The following FICD variants were observed in gnomAD, a reference collection of about 807,000 sequenced individuals.
FICD encodes protein adenylyltransferase FICD.
Under a neutral mutation model 28.0 loss-of-function variants are expected in FICD, and 13 were observed. The ratio of observed to expected loss-of-function variants is 0.46; its 90% CI spans 0.30 to 0.74. FICD has a LOEUF of 0.74. FICD is among the 30% of genes least tolerant of loss of function. The pLI is 0.07. For missense variants in FICD, 576 were observed against 624.5 expected, an observed-to-expected ratio of 0.92 and a Z score of 0.83; for synonymous variants, 268 against 266.4, an observed-to-expected ratio of 1.01 and a Z score of -0.06.
At position 108,518,693 on chromosome 12, in the gene FICD, G is replaced by A. The variant is rs750615173; in HGVS notation, c.595G>A (p.Asp199Asn). Residue 199 changes from aspartate to asparagine, a missense_variant, in exon 3 of 3, where the codon GAC (aspartate) becomes AAC (asparagine). Transcript: ENST00000552695. This position sits in a 1 kb window ranked among gnomAD's most constrained non-coding sequence, Gnocchi z 4.4. ...CGACCAGAGGTATTTCAGCATCATCGACAGCAAAGTGAAGAAGGTCATGTC... is the reference window on the plus strand; with the variant it reads ...CGACCAGAGGTATTTCAGCATCATCAACAGCAAAGTGAAGAAGGTCATGTC... ...EIDQRYFSII[D>N]SKVKKVMSIP... The A allele has an allele frequency of 1.2e-5, 19 of 1,614,034 alleles. No homozygotes were observed. The highest frequency in any genetic ancestry group is 5.5e-5 in the South Asian group (5 of 91,074).
chr12:108,519,058 C>T lies in FICD; in HGVS notation c.960C>T (p.Ile320=). ...CACAGGTCCTGGTCGGACACCACATCCCTCCCCATCCGCAGGATGTGGAAA... is the reference window on the plus strand; with the variant it reads ...CACAGGTCCTGGTCGGACACCACATTCCTCCCCATCCGCAGGATGTGGAAA... ...RTTQVLVGHH[I]PPHPQDVEKQ... Residue 320 remains isoleucine (I), a synonymous_variant, in exon 3 of 3, where the codon ATC becomes ATT. Transcript: ENST00000552695. This position sits in a 1 kb window ranked among gnomAD's most constrained non-coding sequence, Gnocchi z 4.5. The T allele has an allele frequency of 6.2e-7, 1 of 1,614,226 alleles. No homozygotes were observed. Among genetic ancestry groups the T allele is most frequent in the Non-Finnish European group, 8.5e-7 (1 of 1,180,032 alleles).
Position 108,516,895 on chromosome 12 carries a change from C to A in FICD, c.-58-20C>A. 1 of 1,255,794 alleles carries A rather than the reference C, an allele frequency of 8.0e-7. No homozygotes were observed. Among genetic ancestry groups the A allele is most frequent in the Non-Finnish European group, 1.1e-6 (1 of 923,122 alleles). The allele number at this position is 1,255,794 out of a possible 1,614,324, so 77.8% of individuals were successfully genotyped here. ...GTCCTGAACGTGTCTGTTTCTCCTG[C>A]GACTCTTGGCTCCTTGCAGATCCTG... On this transcript the variant is annotated intron_variant, in intron 1 of 2. Transcript: ENST00000552695.
rs139289717 is a variant in FICD at position 108,518,462 on chromosome 12, C to T, written c.364C>T (p.Arg122Trp). The T allele has an allele frequency of 2.8e-5, 46 of 1,614,118 alleles. No homozygotes were observed. The highest frequency in any genetic ancestry group is 1.6e-4 in the Middle Eastern group (1 of 6,062). Residue 122 changes from arginine (R) to tryptophan (W), a missense_variant, in exon 3 of 3, where the codon CGG (arginine) becomes TGG (tryptophan). Physicochemically the swap from Arg to Trp is moderately radical, Grantham distance 101. Coordinates refer to ENST00000552695, the MANE Select transcript of FICD (RefSeq NM_007076.3). This position sits in a 1 kb window ranked among gnomAD's most constrained non-coding sequence, Gnocchi z 4.4. ...CCTGGAGATGAAGCGCCAGGGCAAG[C>T]GGGAAAAAGCCCAAAAGCTCTTCAT... ...QALEMKRQGKREKAQKLFMHA... is the reference protein window; with the variant it reads ...QALEMKRQGKWEKAQKLFMHA...
rs1242023224 is a variant in FICD at position 108,518,677 on chromosome 12, G to T, written c.579G>T (p.Arg193Ser). 6.2e-7 allele frequency: 1 copy of T among 1,614,204 alleles called. No individual in the cohort carries two copies. ...TLPLVEEIDQRYFSIIDSKVK... is the reference protein window; with the variant it reads ...TLPLVEEIDQSYFSIIDSKVK... Reference sequence around the variant, plus strand: ...CTCTTGTGGAAGAGATCGACCAGAGGTATTTCAGCATCATCGACAGCAAAG... The same window carrying T: ...CTCTTGTGGAAGAGATCGACCAGAGTTATTTCAGCATCATCGACAGCAAAG... Residue 193 changes from arginine to serine, a missense_variant, in exon 3 of 3, where the codon AGG (arginine) becomes AGT (serine). Transcript: ENST00000552695. This position sits in a 1 kb window ranked among gnomAD's most constrained non-coding sequence, Gnocchi z 4.4.
Position 108,519,591 on chromosome 12 carries a change from A to C in FICD, c.*116A>C, listed in dbSNP as rs1242656040. 1 of 566,544 alleles carries C rather than the reference A, an allele frequency of 1.8e-6. No homozygotes were observed. Among genetic ancestry groups the C allele is most frequent in the Non-Finnish European group, 2.9e-6 (1 of 347,360 alleles). 35.1% of individuals were successfully genotyped at this position (566,544 alleles called of 1,614,324 possible). ...AAAGGAGAAACATTCTTTACCTCCA[A>C]ATGTTTTAGTTTTAAAAAAAAAAAA... On this transcript the variant is annotated 3_prime_UTR_variant, in exon 3 of 3. Coordinates refer to ENST00000552695, the MANE Select transcript of FICD (RefSeq NM_007076.3). This position sits in a 1 kb window ranked among gnomAD's most constrained non-coding sequence, Gnocchi z 4.5.
At position 108,518,776 on chromosome 12, in the gene FICD, C is replaced by T; in HGVS notation, c.678C>T (p.His226=). The change falls in exon 3 of 3, where the codon CAC becomes CAT. Residue 226 remains histidine, a synonymous_variant. Coordinates refer to ENST00000552695, the MANE Select transcript of FICD (RefSeq NM_007076.3). This position sits in a 1 kb window ranked among gnomAD's most constrained non-coding sequence, Gnocchi z 4.4. ...TCATGGAGGAGACCTACTACCATCA[C>T]ATCTACCACACAGTGGCCATCGAGG... ...RRVMEETYYH[H]IYHTVAIEGN... is the part of the protein sequence containing the mutation. 2 of 1,614,214 alleles carry T rather than the reference C, an allele frequency of 1.2e-6. No individual in the cohort carries two copies. Among genetic ancestry groups the T allele is most frequent in the Non-Finnish European group, 1.7e-6 (2 of 1,180,034 alleles).
chr12:108,516,227 G>C (rs929427686), intron 1 of FICD, among the ~76,000 whole-genome samples: 3 of 152,166 alleles, frequency 2.0e-5, no homozygotes, highest in Non-Finnish European at 4.4e-5. Flanking sequence ...TCTTGATGGG[G>C]TCCCTTCTGG....
At position 108,521,051 on chromosome 12, in the gene FICD, T is replaced by A. The variant is rs1872100172; in HGVS notation, c.*1576T>A. The A allele has an allele frequency of 6.6e-6, 1 of 152,236 alleles. No homozygotes were observed. The highest frequency in any genetic ancestry group is 1.5e-5 in the Non-Finnish European group (1 of 68,056). 9.4% of individuals were successfully genotyped at this position (152,236 alleles called of 1,614,324 possible). ...GTACTCTTATGCTGCCAGAGGTACTTCTTAAAACTCTTCTCGTCTTGGTTT... is the reference window on the plus strand; with the variant it reads ...GTACTCTTATGCTGCCAGAGGTACTACTTAAAACTCTTCTCGTCTTGGTTT... On this transcript the variant is annotated 3_prime_UTR_variant, in exon 3 of 3. Transcript: ENST00000552695.
In FICD at chr12:108,518,403, G is replaced by C; in HGVS notation, c.305G>C (p.Gly102Ala). Residue 102 changes from glycine to alanine, a missense_variant, in exon 3 of 3, where the codon GGT (glycine) becomes GCT (alanine). Gly to Ala is a moderately conservative substitution (Grantham distance 60). Transcript: ENST00000552695. This position sits in a 1 kb window ranked among gnomAD's most constrained non-coding sequence, Gnocchi z 4.4. ...CGCTTCTTTGGCTCTCTTCCAGCGG[G>C]TAAGTTGGAAGCCAGAGCTGCCCTG... Reference protein sequence around the residue: ...LVAKTKASPAGKLEARAALNQ... With the variant: ...LVAKTKASPAAKLEARAALNQ... The C allele has an allele frequency of 1.2e-6, 2 of 1,613,512 alleles. No homozygotes were observed. The highest frequency in any genetic ancestry group is 1.7e-6 in the Non-Finnish European group (2 of 1,179,498).
Position 108,519,247 on chromosome 12 carries a change from G to A in FICD, c.1149G>A (p.Gln383=). ...SRLLMNLILM[Q]AGYPPITIRK... is the part of the protein sequence containing the mutation. ...TGCTCATGAACCTCATCCTCATGCA[G>A]GCGGGCTACCCGCCCATCACCATCC... Residue 383 remains glutamine (Q), a synonymous_variant, in exon 3 of 3, where the codon CAG becomes CAA. Transcript: ENST00000552695. The surrounding 1 kb of genome is among the most constrained non-coding windows in gnomAD (Gnocchi z 4.5). 6.2e-7 allele frequency: 1 copy of A among 1,614,250 alleles called. No homozygotes were observed. The highest frequency in any genetic ancestry group is 8.5e-7 in the Non-Finnish European group (1 of 1,180,040).
Position 108,520,755 on chromosome 12 carries a change from T to C in FICD, c.*1280T>C, listed in dbSNP as rs1321958509. On this transcript the variant is annotated 3_prime_UTR_variant, in exon 3 of 3. Coordinates refer to ENST00000552695, the MANE Select transcript of FICD (RefSeq NM_007076.3). The stretch of plus-strand genomic sequence containing the variant: ...AGAGAGGTGGAAGTCACTGGGTCCC[T>C]TTCCCAGTGACAGAGCCCATGATGT... 3 of 152,190 alleles carry C rather than the reference T, an allele frequency of 2.0e-5. No individual in the cohort carries two copies. Among genetic ancestry groups the C allele is most frequent in the Non-Finnish European group, 4.4e-5 (3 of 68,040 alleles). The allele number at this position is 152,190 out of a possible 1,614,324, so 9.4% of individuals were successfully genotyped here.
chr12:108,519,844 A>G lies in FICD; in HGVS notation c.*369A>G, dbSNP rs1247636386. ...GAGGTGTGGGACGGGGCCCAGAGCC[A>G]CTGACATAACTCCTCCAAGTGCTTC... On this transcript the variant is annotated 3_prime_UTR_variant, in exon 3 of 3. Transcript: ENST00000552695. This position sits in a 1 kb window ranked among gnomAD's most constrained non-coding sequence, Gnocchi z 4.5. The G allele has an allele frequency of 2.3e-5, 4 of 170,682 alleles. No homozygotes were observed. Among genetic ancestry groups the G allele is most frequent in the Admixed American group, 1.2e-4 (2 of 16,684 alleles). The allele number at this position is 170,682 out of a possible 1,614,324, so 10.6% of individuals were successfully genotyped here.
chr12:108,519,097 G>A lies in FICD; in HGVS notation c.999G>A (p.Glu333=). The A allele has an allele frequency of 6.2e-7, 1 of 1,614,230 alleles. No individual in the cohort carries two copies. Among genetic ancestry groups the A allele is most frequent in the Non-Finnish European group, 8.5e-7 (1 of 1,180,036 alleles). The stretch of plus-strand genomic sequence containing the variant: ...AGGATGTGGAAAAGCAGATGCAGGA[G>A]TTTGTACAGTGGCTCAACTCCGAGG... ...HPQDVEKQMQ[E]FVQWLNSEEA... is the part of the protein sequence containing the mutation. The change falls in exon 3 of 3, where the codon GAG becomes GAA. Residue 333 remains glutamate (E), a synonymous_variant. Coordinates refer to ENST00000552695, the MANE Select transcript of FICD (RefSeq NM_007076.3). The surrounding 1 kb of genome is among the most constrained non-coding windows in gnomAD (Gnocchi z 4.5).
In FICD at chr12:108,519,361, T is replaced by C. The variant is rs1872029830; in HGVS notation, c.1263T>C (p.Cys421=). 1.2e-6 allele frequency: 2 copies of C among 1,613,996 alleles called. No individual in the cohort carries two copies. The highest frequency in any genetic ancestry group is 1.7e-6 in the Non-Finnish European group (2 of 1,180,030). The part of the protein sequence containing the change: ...VRPFIRFIAK[C]TETTLDTLLF... ...CTTTCATTCGCTTCATCGCCAAGTGTACTGAGACCACCCTGGACACCCTGC... is the reference window on the plus strand; with the variant it reads ...CTTTCATTCGCTTCATCGCCAAGTGCACTGAGACCACCCTGGACACCCTGC... The change falls in exon 3 of 3, where the codon TGT becomes TGC. Residue 421 remains cysteine, a synonymous_variant. Transcript: ENST00000552695. The surrounding 1 kb of genome is among the most constrained non-coding windows in gnomAD (Gnocchi z 4.5).
intron 2 of FICD, chr12:108,517,558 G>A (rs1221089677): frequency 4.8e-6 from 2 of 415,092 alleles, no homozygotes; most frequent in Admixed American, 8.1e-5. Context: ...CAAGGAAAAG[G>A]ACTCCAGGCA....
At position 108,519,603 on chromosome 12, in the gene FICD, T is replaced by TAAAAAAAAAAAAAAACTTCC; in HGVS notation, c.*128_*129insAAAAAAAAAAAAAAACTTCC. On this transcript the variant is annotated 3_prime_UTR_variant, in exon 3 of 3. Transcript: ENST00000552695. The surrounding 1 kb of genome is among the most constrained non-coding windows in gnomAD (Gnocchi z 4.5). ...TTCTTTACCTCCAAATGTTTTAGTT[T>TAAAAAAAAAAAAAAACTTCC]TAAAAAAAAAAAAAAACTAAGTTAT... 1 of 472,310 alleles carries TAAAAAAAAAAAAAAACTTCC rather than the reference T, an allele frequency of 2.1e-6. No homozygotes were observed. The highest frequency in any genetic ancestry group is 3.7e-6 in the Non-Finnish European group (1 of 272,464). 29.3% of individuals were successfully genotyped at this position (472,310 alleles called of 1,614,324 possible).
At chr12:108,517,847 C>A (rs1336000371) in intron 2 of FICD, among the ~76,000 whole-genome samples, 1 of 152,184 alleles carries the variant, frequency 6.6e-6, no homozygotes, top group Non-Finnish European at 1.5e-5. Flanking sequence ...CTAACCAGGT[C>A]TCCAGACGTC....
rs1283189730 is a variant in FICD, at chr12:108,518,043, T to C, written c.302-357T>C. On this transcript the variant is annotated intron_variant, in intron 2 of 2. Transcript: ENST00000552695. The surrounding 1 kb of genome is among the most constrained non-coding windows in gnomAD (Gnocchi z 4.4). ...TGGAGATGTAGGAGACGGCCTACAC[T>C]GGGAGCTGTGGCCCACAGGAAAGGC... The C allele has an allele frequency of 8.7e-6, 6 of 687,192 alleles. No homozygotes were observed. The highest frequency in any genetic ancestry group is 1.8e-5 in the African/African-American group (1 of 56,818). The allele number at this position is 687,192 out of a possible 1,614,324, so 42.6% of individuals were successfully genotyped here.
In FICD at chr12:108,518,578, C is replaced by G. The variant is rs143888209; in HGVS notation, c.480C>G (p.Asp160Glu). 22 of 1,614,086 alleles carry G rather than the reference C, an allele frequency of 1.4e-5. No homozygotes were observed. Among genetic ancestry groups the G allele is most frequent in the Non-Finnish European group, 1.8e-5 (21 of 1,180,046 alleles). ...SEEDKDIIQA[D>E]YLYTRALTIS... is the part of the protein sequence containing the mutation. Reference sequence around the variant, plus strand: ...AAGACAAGGACATCATCCAGGCGGACTACTTGTACACCAGAGCATTGACCA... The same window carrying G: ...AAGACAAGGACATCATCCAGGCGGAGTACTTGTACACCAGAGCATTGACCA... The change falls in exon 3 of 3, where the codon GAC becomes GAG. Residue 160 changes from aspartate to glutamate, a missense_variant. Asp to Glu is a conservative substitution (Grantham distance 45). Coordinates refer to ENST00000552695, the MANE Select transcript of FICD (RefSeq NM_007076.3). The surrounding 1 kb of genome is among the most constrained non-coding windows in gnomAD (Gnocchi z 4.4).
Sources: allele counts gnomAD v4.1 joint callset (sites outside exome capture counted in the v4.1 genomes callset), GRCh38; gene constraint gnomAD v4.1.1; non-coding constraint Gnocchi (gnomAD v3.1); transcripts MANE v1.5; gene names NCBI Gene and HGNC (gene_info 2026-07-23, HGNC 2026-07-21).